Variants in H6PD observed in about 807,000 individuals in gnomAD.
The protein encoded by H6PD is hexose-6-phosphate dehydrogenase/glucose 1-dehydrogenase, also known as GDH/6PGL endoplasmic bifunctional protein.
H6PD carries 48 observed loss-of-function variants against 61.2 expected under a neutral mutation model. That is an observed-to-expected ratio of 0.78 (90% CI 0.62 to 1.00). H6PD has a LOEUF of 1.00. H6PD is among the 50% of genes least tolerant of loss of function. H6PD has a pLI of 0.00. For missense variants in H6PD, 1,093 were observed against 1,065.0 expected (o/e 1.03, Z -0.37); for synonymous variants, 480 against 457.9 (o/e 1.05, Z -0.62).
At chr1:9,235,904 G>A (rs969009021) in intron 1 of H6PD, among the ~76,000 whole-genome samples, 1 of 152,182 alleles carries the variant, frequency 6.6e-6, no homozygotes, top group Non-Finnish European at 1.5e-5. Context: ...GAAGCACCAC[G>A]CCCAGACAGC....
intron 1 of H6PD, among the ~76,000 whole-genome samples, chr1:9,238,754 A>G (rs1640916437): frequency 6.6e-6 from 1 of 152,220 alleles, no homozygotes; most frequent in South Asian, 2.1e-4. Context: ...GTTTAGGGGA[A>G]GTTCGGGCTG....
At position 9,250,613 on chromosome 1, in the gene H6PD, T is replaced by C. The variant is rs536491211; in HGVS notation, c.745+3530T>C. On this transcript the variant is annotated intron_variant, in intron 3 of 4. Transcript: ENST00000377403. Reference sequence around the variant, plus strand: ...AAGGGTTCTGGTGGATCCCAGCTGCTCTCCACCCCTGCAGTGGTGCAACCC... The same window carrying C: ...AAGGGTTCTGGTGGATCCCAGCTGCCCTCCACCCCTGCAGTGGTGCAACCC... Among the ~76,000 whole-genome samples the C allele has an allele frequency of 5.9e-3, 895 of 151,582 alleles. 9 individuals are homozygous for C. Among genetic ancestry groups the C allele is most frequent in the African/African-American group, 0.021 (850 of 41,032 alleles).
In H6PD at chr1:9,263,969, C is replaced by T. The variant is rs755382139; in HGVS notation, c.1476C>T (p.Ser492=). 6.2e-7 allele frequency: 1 copy of T among 1,614,222 alleles called. No homozygotes were observed. Among genetic ancestry groups the T allele is most frequent in the East Asian group, 2.2e-5 (1 of 44,884 alleles). The stretch of plus-strand genomic sequence containing the variant: ...ACTTCTGGACCCCTCTGCTGGAGAG[C>T]CTGGCCCATAAGGCCCCACGCCTCT... ...SWNFWTPLLE[S]LAHKAPRLYP... The change falls in exon 5 of 5, where the codon AGC becomes AGT. Residue 492 remains serine, a synonymous_variant. Transcript: ENST00000377403.
At chr1:9,237,534 T>C (rs1464147544) in intron 1 of H6PD, among the ~76,000 whole-genome samples, 4 of 152,088 alleles carry the variant, frequency 2.6e-5, no homozygotes, top group South Asian at 2.1e-4. Context: ...CGCCTGGCCA[T>C]GTTATTTGAC....
At chr1:9,259,479 T>G (rs912980114) in intron 3 of H6PD, among the ~76,000 whole-genome samples, 10 of 152,148 alleles carry the variant, frequency 6.6e-5, no homozygotes, top group Non-Finnish European at 1.2e-4. Flanking sequence ...TATGCTGGTG[T>G]TGTTATATTG....
At chr1:9,256,365 T>C (rs1379052018) in intron 3 of H6PD, among the ~76,000 whole-genome samples, 2 of 152,226 alleles carry the variant, frequency 1.3e-5, no homozygotes, top group Admixed American at 6.5e-5. Context: ...CTGCACCCTC[T>C]AGCTCCTGGT....
intron 1 of H6PD, among the ~76,000 whole-genome samples, chr1:9,242,165 C>T (rs975343175): frequency 2.6e-5 from 4 of 152,164 alleles, no homozygotes; most frequent in African/African-American, 9.7e-5. Flanking sequence ...TTGATGAGAA[C>T]TGCTGCTCTG....
chr1:9,242,695 C>T, intron 1 of H6PD: 1 of 985,470 alleles, frequency 1.0e-6, no homozygotes, highest in Non-Finnish European at 1.2e-6. Flanking sequence ...CATGCCAGGA[C>T]TCTGGAGGCT....
In H6PD at chr1:9,263,393, G is replaced by A. The variant is rs143380420; in HGVS notation, c.1016-116G>A. 238 of 908,690 alleles carry A rather than the reference G, an allele frequency of 2.6e-4. No individual in the cohort carries two copies. The East Asian group carries it at 3.2e-3, about 12-fold the overall frequency. The allele number at this position is 908,690 out of a possible 1,614,324, so 56.3% of individuals were successfully genotyped here. The stretch of plus-strand genomic sequence containing the variant: ...AGGCGAGGGGTGAGCATGGCAAGGC[G>A]AGGGGCTTCCCTGAGGCAGGGGGAC... On this transcript the variant is annotated intron_variant, in intron 4 of 4. Coordinates refer to ENST00000377403, the MANE Select transcript of H6PD (RefSeq NM_004285.4).
intron 1 of H6PD, among the ~76,000 whole-genome samples, chr1:9,239,675 C>T (rs1048820953): frequency 2.6e-5 from 4 of 152,150 alleles, no homozygotes; most frequent in Non-Finnish European, 4.4e-5. Context: ...ACTCATGGGT[C>T]ATGATTTGAA....
chr1:9,271,312 T>A lies in H6PD; in HGVS notation c.*6443T>A, dbSNP rs1233029348. ...ATGTCAAATGTAACGTTTATTTTTT[T>A]AAACAATAAAATTGATTTGCCAAAA... On this transcript the variant is annotated 3_prime_UTR_variant, in exon 5 of 5. Transcript: ENST00000377403. 1 of 152,264 alleles carries A rather than the reference T, an allele frequency of 6.6e-6. No individual in the cohort carries two copies. Among genetic ancestry groups the A allele is most frequent in the Non-Finnish European group, 1.5e-5 (1 of 68,048 alleles). The allele number at this position is 152,264 out of a possible 1,614,324, so 9.4% of individuals were successfully genotyped here.
intron 3 of H6PD, among the ~76,000 whole-genome samples, chr1:9,260,530 C>T (rs1003924760): frequency 6.6e-5 from 10 of 151,754 alleles, no homozygotes; most frequent in Non-Finnish European, 1.0e-4. Flanking sequence ...AGTGTTGTTA[C>T]GTTGCTGCTG....
chr1:9,244,532 C>T (rs755909572), intron 1 of H6PD, among the ~76,000 whole-genome samples: 2 of 152,232 alleles, frequency 1.3e-5, no homozygotes, highest in Admixed American at 6.5e-5. Flanking sequence ...TATACCTAGG[C>T]TGGGGCTGCC....
chr1:9,250,932 T>C (rs1255687418), intron 3 of H6PD, among the ~76,000 whole-genome samples: 1 of 152,162 alleles, frequency 6.6e-6, no homozygotes, highest in African/African-American at 2.4e-5. Context: ...CAGAGGAGTT[T>C]GCTGCAGAGT....
chr1:9,238,917 CTA>C (rs1199832535), intron 1 of H6PD, among the ~76,000 whole-genome samples: 1 of 152,062 alleles, frequency 6.6e-6, no homozygotes, highest in Non-Finnish European at 1.5e-5. Context: ...TTCAAATACA[CTA>C]TAATAGAATA....
chr1:9,240,074 G>C (rs1640952945), intron 1 of H6PD: 2 of 1,125,652 alleles, frequency 1.8e-6, no homozygotes, highest in African/African-American at 3.2e-5. Context: ...GTTGGAGACA[G>C]TGAAGGGTGC....
intron 1 of H6PD, among the ~76,000 whole-genome samples, chr1:9,244,164 TC>T (rs1641088585): frequency 6.6e-6 from 1 of 152,326 alleles, no homozygotes; most frequent in Admixed American, 6.5e-5. Context: ...GTATCACTCT[TC>T]CAGGATGACA....
At chr1:9,235,868 T>A (rs1321391208) in intron 1 of H6PD, among the ~76,000 whole-genome samples, 1 of 152,242 alleles carries the variant, frequency 6.6e-6, no homozygotes, top group Non-Finnish European at 1.5e-5. Flanking sequence ...TGCTTAAGCC[T>A]TACGAAGTGT....
chr1:9,255,885 T>C (rs986738291), intron 3 of H6PD, among the ~76,000 whole-genome samples: 1 of 152,204 alleles, frequency 6.6e-6, no homozygotes, highest in Non-Finnish European at 1.5e-5. Flanking sequence ...GCTCTGTTTC[T>C]AAAGGCCAGT....
Sources: allele counts gnomAD v4.1 joint callset (sites outside exome capture counted in the v4.1 genomes callset), GRCh38; gene constraint gnomAD v4.1.1; transcripts MANE v1.5; gene names NCBI Gene and HGNC (gene_info 2026-07-23, HGNC 2026-07-21).